SPOCK3: variants seen among roughly 807,000 people sequenced by gnomAD.
SPOCK3 encodes testican-3.
Under a neutral mutation model 56.6 loss-of-function variants are expected in SPOCK3, and 30 were observed. The ratio of observed to expected loss-of-function variants is 0.53; its 90% CI spans 0.40 to 0.72. SPOCK3 has a LOEUF of 0.72. Among genes scored for constraint, SPOCK3 ranks in the 30% least tolerant of loss-of-function variants. The pLI is 0.00. For synonymous variants in SPOCK3, 196 were observed against 183.3 expected (o/e 1.07, Z -0.56); for missense variants, 527 against 530.0 (o/e 0.99, Z 0.06).
chr4:167,009,485 C>A (rs889781133), intron 3 of SPOCK3, among the ~76,000 whole-genome samples: 4 of 152,086 alleles, frequency 2.6e-5, no homozygotes, highest in African/African-American at 4.8e-5. Context: ...ATTACTTTCA[C>A]GGTGTAAAAA....
At chr4:166,827,211 C>G (rs1177598731) in intron 6 of SPOCK3, among the ~76,000 whole-genome samples, 1 of 152,028 alleles carries the variant, frequency 6.6e-6, no homozygotes, top group Non-Finnish European at 1.5e-5. Flanking sequence ...TAGTGTCAAA[C>G]TATATGAACT....
At chr4:166,893,885 T>C (rs1735060729) in intron 5 of SPOCK3, among the ~76,000 whole-genome samples, 1 of 152,140 alleles carries the variant, frequency 6.6e-6, no homozygotes, top group South Asian at 2.1e-4. Flanking sequence ...TAGCTAACCC[T>C]TTCCCAAGAA....
chr4:166,948,989 G>A lies in SPOCK3; in HGVS notation c.351-36246C>T, dbSNP rs183127658. 1.6e-3 allele frequency among the ~76,000 whole-genome samples: 245 copies of A among 152,260 alleles called. 2 individuals carry two copies. Among genetic ancestry groups the A allele is most frequent in the Non-Finnish European group, 2.9e-3 (196 of 68,026 alleles). On this transcript the variant is annotated intron_variant, in intron 4 of 10. Coordinates refer to ENST00000357545, the MANE Select transcript of SPOCK3 (RefSeq NM_001040159.2). ...TCACTTTCACGTACACCAATCAGACGTAGATTTGGTCTTTTCAGATAGTCC... is the reference window on the plus strand; with the variant it reads ...TCACTTTCACGTACACCAATCAGACATAGATTTGGTCTTTTCAGATAGTCC...
intron 6 of SPOCK3, among the ~76,000 whole-genome samples, chr4:166,859,729 A>G (rs1189712344): frequency 6.6e-6 from 1 of 152,172 alleles, no homozygotes; most frequent in African/African-American, 2.4e-5. Context: ...TTGTAAAGAA[A>G]GATCAGAAGG....
chr4:167,113,136 G>T (rs1305039431), intron 2 of SPOCK3, among the ~76,000 whole-genome samples: 1 of 152,124 alleles, frequency 6.6e-6, no homozygotes, highest in African/African-American at 2.4e-5. Flanking sequence ...AATACTCAAA[G>T]TCAATGCCAG....
At chr4:167,134,070 C>T (rs1762917453) in intron 2 of SPOCK3, among the ~76,000 whole-genome samples, 1 of 141,970 alleles carries the variant, frequency 7.0e-6, no homozygotes, top group African/African-American at 2.7e-5. Flanking sequence ...GCTCTGTTGC[C>T]CAGGCTGAAG....
chr4:167,230,896 T>G (rs1051552541), intron 2 of SPOCK3, among the ~76,000 whole-genome samples: 6 of 152,242 alleles, frequency 3.9e-5, no homozygotes, highest in Non-Finnish European at 7.4e-5. Context: ...TCAAAAATAC[T>G]TGAGGTTTCT....
At chr4:166,777,664 G>A (rs1322765367) in intron 7 of SPOCK3, among the ~76,000 whole-genome samples, 2 of 152,102 alleles carry the variant, frequency 1.3e-5, no homozygotes, top group Non-Finnish European at 2.9e-5. Flanking sequence ...TTGAGCCCAG[G>A]AGTTTGGGCC....
At chr4:167,125,716 A>G (rs928949248) in intron 2 of SPOCK3, among the ~76,000 whole-genome samples, 3 of 152,104 alleles carry the variant, frequency 2.0e-5, no homozygotes, top group African/African-American at 7.2e-5. Context: ...CTCCGTCTCA[A>G]AAAAATAAAT....
At chr4:167,044,422 A>G (rs922571313) in intron 3 of SPOCK3, among the ~76,000 whole-genome samples, 5 of 100,832 alleles carry the variant, frequency 5.0e-5, no homozygotes, top group African/African-American at 1.9e-4. Context: ...CCTTTTTTCA[A>G]TTTAATTGAT....
intron 2 of SPOCK3, among the ~76,000 whole-genome samples, chr4:167,166,270 A>G (rs1240262192): frequency 6.6e-6 from 1 of 152,160 alleles, no homozygotes; most frequent in Non-Finnish European, 1.5e-5. Context: ...AAAAATAAGA[A>G]GTCAGTACCT....
At chr4:167,114,179 A>G (rs886720578) in intron 2 of SPOCK3, among the ~76,000 whole-genome samples, 1 of 152,114 alleles carries the variant, frequency 6.6e-6, no homozygotes, top group African/African-American at 2.4e-5. Flanking sequence ...CAAACAAACA[A>G]TGAGAAAATA....
At chr4:167,219,941 C>A (rs10001399) in intron 2 of SPOCK3, among the ~76,000 whole-genome samples, 17,731 of 151,982 alleles carry the variant, frequency 0.12, 1,177 homozygotes, top group East Asian at 0.2. Context: ...ATGTAGACAA[C>A]AAAATATTCT....
At chr4:166,743,788 G>C (rs1735190188) in intron 8 of SPOCK3, among the ~76,000 whole-genome samples, 5 of 152,182 alleles carry the variant, frequency 3.3e-5, no homozygotes, top group Admixed American at 3.3e-4. Flanking sequence ...CTTAGCAGAT[G>C]GCACACCAGG....
chr4:167,118,505 C>T (rs1030045586), intron 2 of SPOCK3, among the ~76,000 whole-genome samples: 6 of 152,122 alleles, frequency 3.9e-5, no homozygotes, highest in Admixed American at 1.3e-4. Flanking sequence ...TCCTTGTGAA[C>T]AGTTCATATC....
At chr4:166,924,372 G>C (rs1738833374) in intron 4 of SPOCK3, among the ~76,000 whole-genome samples, 1 of 152,154 alleles carries the variant, frequency 6.6e-6, no homozygotes, top group Non-Finnish European at 1.5e-5. Flanking sequence ...GTAAGTGAAA[G>C]AGTAATTTAT....
chr4:167,085,646 T>C (rs993474328), intron 2 of SPOCK3, among the ~76,000 whole-genome samples: 1 of 152,140 alleles, frequency 6.6e-6, no homozygotes, highest in Non-Finnish European at 1.5e-5. Context: ...TCATTCTAAA[T>C]ATACATTCTA....
intron 6 of SPOCK3, among the ~76,000 whole-genome samples, chr4:166,829,474 C>T (rs6849616): frequency 0.74 from 112,133 of 151,916 alleles, 41,434 homozygotes; most frequent in East Asian, 0.82. Flanking sequence ...TGATTTACCA[C>T]TTTTTTAATC....
At chr4:167,149,200 T>C (rs942519400) in intron 2 of SPOCK3, among the ~76,000 whole-genome samples, 1 of 152,156 alleles carries the variant, frequency 6.6e-6, no homozygotes, top group African/African-American at 2.4e-5. Flanking sequence ...TAGTTCTCAA[T>C]TAATTCTTCT....
Sources: allele counts gnomAD v4.1 joint callset (sites outside exome capture counted in the v4.1 genomes callset), GRCh38; gene constraint gnomAD v4.1.1; transcripts MANE v1.5; gene names NCBI Gene and HGNC (gene_info 2026-07-23, HGNC 2026-07-21).